The following NPC1 variants were observed in gnomAD, a reference collection of about 807,000 sequenced individuals.
The protein encoded by NPC1 is Niemann-Pick C1 protein.
Under a neutral mutation model 140.4 loss-of-function variants are expected in NPC1, and 85 were observed. The ratio of observed to expected loss-of-function variants is 0.61; its 90% CI spans 0.51 to 0.72. NPC1 has a LOEUF of 0.72. Among genes scored for constraint, NPC1 ranks in the 30% least tolerant of loss-of-function variants. The pLI is 0.00. For synonymous variants in NPC1, 656 were observed against 624.8 expected (o/e 1.05, Z -0.74); for missense variants, 1,504 against 1,623.8 (o/e 0.93, Z 1.27).
intron 4 of NPC1, among the ~76,000 whole-genome samples, chr18:23,563,693 A>G (rs1341138959): frequency 6.6e-6 from 1 of 152,172 alleles, no homozygotes; most frequent in Non-Finnish European, 1.5e-5. Flanking sequence ...GATTATAGGC[A>G]TGAGCCACTG....
Position 23,544,975 on chromosome 18 carries a change from G to A in NPC1, c.1932C>T (p.Ser644=). Reference sequence around the variant, plus strand: ...CCCGGCTTACCAGAAGCCTGCGACAGCTTTTCATGTGCCCCAAGGCTAGGG... The same window carrying A: ...CCCGGCTTACCAGAAGCCTGCGACAACTTTTCATGTGCCCCAAGGCTAGGG... ...YISLALGHMK[S]CRRLLVDSKV... is the part of the protein sequence containing the mutation. Residue 644 remains serine, a synonymous_variant, in exon 12 of 25, where the codon AGC becomes AGT. Coordinates refer to ENST00000269228, the MANE Select transcript of NPC1 (RefSeq NM_000271.5). 1 of 1,562,970 alleles carries A rather than the reference G, an allele frequency of 6.4e-7. No homozygotes were observed. Among genetic ancestry groups the A allele is most frequent in the Non-Finnish European group, 8.7e-7 (1 of 1,145,964 alleles).
At chr18:23,555,764 C>G (rs1567964798) in intron 8 of NPC1, among the ~76,000 whole-genome samples, 1 of 152,150 alleles carries the variant, frequency 6.6e-6, no homozygotes. Flanking sequence ...CATGTTCAGG[C>G]AGTGAGTGAT....
intron 4 of NPC1, among the ~76,000 whole-genome samples, chr18:23,563,390 G>A (rs181521954): frequency 8.4e-4 from 128 of 152,290 alleles, no homozygotes; most frequent in Non-Finnish European, 1.4e-3. Flanking sequence ...GAACTGATGG[G>A]TCATATGGTA....
intron 1 of NPC1, among the ~76,000 whole-genome samples, chr18:23,523,312 GGTT>G (rs1283284139): frequency 2.6e-5 from 4 of 152,016 alleles, no homozygotes; most frequent in African/African-American, 9.7e-5. Context: ...CAGTATAACT[GGTT>G]GTTAACGGTC....
At position 23,586,287 on chromosome 18, in the gene NPC1, C is replaced by T; in HGVS notation, c.57G>A (p.Gln19=). 3 of 1,533,040 alleles carry T rather than the reference C, an allele frequency of 2.0e-6. No individual in the cohort carries two copies. The highest frequency in any genetic ancestry group is 2.6e-6 in the Non-Finnish European group (3 of 1,145,782). The allele number at this position is 1,533,040 out of a possible 1,614,324, so 95.0% of individuals were successfully genotyped here. Residue 19 remains glutamine, a splice_region_variant and synonymous_variant, in exon 1 of 25, where the codon CAG becomes CAA. Transcript: ENST00000269228. ...GLLLLLLCPA[Q]VFSQSCVWYG... is the part of the protein sequence containing the mutation. ...GTCCCGGTGGCCGGCGACCGCTCAC[C>T]TGCGCTGGACACAGTAGCAGCAGGA...
At chr18:23,533,094 A>G in intron 24 of NPC1, 1 of 636,604 alleles carries the variant, frequency 1.6e-6, no homozygotes, top group East Asian at 4.3e-5. Context: ...CCATTCAAGG[A>G]CTGGCTCCAG....
intron 1 of NPC1, chr18:23,523,005 A>G (rs2058184684): frequency 6.6e-6 from 1 of 152,262 alleles, no homozygotes; most frequent in Admixed American, 6.5e-5. Context: ...ATCTGACTAC[A>G]TATTAGGATC....
At chr18:23,520,337 TCTGTGCTGCC>T, downstream of NPC1, 1 of 1,564,894 alleles carries the variant, frequency 6.4e-7, no homozygotes, top group Non-Finnish European at 8.8e-7. Context: ...TGTAGAGGAG[TCTGTGCTGCC>T]CTTTCACCAT....
chr18:23,574,013 GAACAA>G (rs1348485624), intron 1 of NPC1, among the ~76,000 whole-genome samples: 1 of 152,078 alleles, frequency 6.6e-6, no homozygotes, highest in Non-Finnish European at 1.5e-5. Context: ...GTAACATGAA[GAACAA>G]AACAACAAAA....
downstream of NPC1, among the ~76,000 whole-genome samples, chr18:23,525,113 A>AT (rs573751119): frequency 3.5e-4 from 53 of 150,262 alleles, no homozygotes; most frequent in South Asian, 8.7e-3. Flanking sequence ...CGCCCAGCTA[A>AT]TTTTGTATTT....
At chr18:23,544,615 G>A (rs926816913) in intron 12 of NPC1, 89 bp from the exon 13 acceptor site, 5 of 1,178,232 alleles carry the variant, frequency 4.2e-6, no homozygotes, top group Middle Eastern at 2.5e-4. Flanking sequence ...TACTTTACAG[G>A]GCTGTATTAA....
At chr18:23,544,253 A>T in intron 13 of NPC1, 91 bp downstream of exon 13, 3 of 1,236,166 alleles carry the variant, frequency 2.4e-6, no homozygotes, top group Non-Finnish European at 3.5e-6. Context: ...ACACCCTCAC[A>T]GGTCACACTC....
Position 23,532,279 on chromosome 18 carries a change from A to T in NPC1, c.3760T>A (p.Ser1254Thr), listed in dbSNP as rs986146604. The change falls in exon 25 of 25, where the codon TCA becomes ACA. Residue 1254 changes from serine to threonine, a missense_variant. Ser to Thr is a moderately conservative substitution (Grantham distance 58). Coordinates refer to ENST00000269228, the MANE Select transcript of NPC1 (RefSeq NM_000271.5). The part of the protein sequence containing the change: ...LPVLLSYIGP[S>T]VNKAKSCATE... Reference sequence around the variant, plus strand: ...GCACAACTTTTGGCTTTATTTACTGATGGCCCTATGAGAGAGAGAGACTTT... The same window carrying T: ...GCACAACTTTTGGCTTTATTTACTGTTGGCCCTATGAGAGAGAGAGACTTT... 6 of 1,613,970 alleles carry T rather than the reference A, an allele frequency of 3.7e-6. No individual in the cohort carries two copies. The highest frequency in any genetic ancestry group is 3.4e-6 in the Non-Finnish European group (4 of 1,180,024).
intron 14 of NPC1, among the ~76,000 whole-genome samples, chr18:23,542,270 T>C (rs1041693314): frequency 2.6e-5 from 4 of 151,876 alleles, no homozygotes; most frequent in Non-Finnish European, 5.9e-5. Flanking sequence ...TTTTTTTTTT[T>C]TTCTGCACCT....
In NPC1 at chr18:23,541,411, G is replaced by A. The variant is rs536329623; in HGVS notation, c.2268C>T (p.Ala756=). 34 of 1,614,232 alleles carry A rather than the reference G, an allele frequency of 2.1e-5. No homozygotes were observed. Among genetic ancestry groups the A allele is most frequent in the South Asian group, 4.4e-5 (4 of 91,082 alleles). The change falls in exon 15 of 25, where the codon GCC becomes GCT. Residue 756 remains alanine (A), a synonymous_variant. Coordinates refer to ENST00000269228, the MANE Select transcript of NPC1 (RefSeq NM_000271.5). Reference sequence around the variant, plus strand: ...CCGCAAAGAGAGAGAAGGTGTGCACGGCTGGCATCACGGACAATGCTCCTG... The same window carrying A: ...CCGCAAAGAGAGAGAAGGTGTGCACAGCTGGCATCACGGACAATGCTCCTG... ...FFLGALSVMP[A]VHTFSLFAGL...
At position 23,568,997 on chromosome 18, in the gene NPC1, A is replaced by C. The variant is rs1330533921; in HGVS notation, c.289T>G (p.Cys97Gly). 1 of 1,611,512 alleles carries C rather than the reference A, an allele frequency of 6.2e-7. No homozygotes were observed. ...LQLPLQFLSRCPSCFYNLLNL... is the reference protein window; with the variant it reads ...LQLPLQFLSRGPSCFYNLLNL... ...AGTAGGTTATAAAAACAGGATGGACATCTAAAGGAAAAGTAAATTATATTC... is the reference window on the plus strand; with the variant it reads ...AGTAGGTTATAAAAACAGGATGGACCTCTAAAGGAAAAGTAAATTATATTC... Residue 97 changes from cysteine (C) to glycine (G), a missense_variant and splice_region_variant, in exon 4 of 25, where the codon TGT becomes GGT. Transcript: ENST00000269228.
At chr18:23,524,584 A>G (rs2058238492), downstream of NPC1, 1 of 1,188,908 alleles carries the variant, frequency 8.4e-7, no homozygotes, top group Non-Finnish European at 1.2e-6. Context: ...CTTAGAAATG[A>G]CCCCTCCTTT....
Position 23,538,620 on chromosome 18 carries a change from T to TG in NPC1, c.2962dup (p.Gln988ProfsTer19). On this transcript the variant is annotated frameshift_variant, in exon 20 of 25. Transcript: ENST00000269228. LOFTEE classifies it high-confidence loss of function. ...CATGAAGTCTCCCCCCTGAGGCCTC[T>TG]GTTTGCCTTCCGGAGTCAGAGGCCT... 1 of 1,613,842 alleles carries TG rather than the reference T, an allele frequency of 6.2e-7. No homozygotes were observed. The highest frequency in any genetic ancestry group is 8.5e-7 in the Non-Finnish European group (1 of 1,179,730).
chr18:23,524,134 T>C, intron 1 of NPC1: 2 of 1,614,188 alleles, frequency 1.2e-6, no homozygotes, highest in Middle Eastern at 1.6e-4. Context: ...TTGTAGGTCC[T>C]GCTGCCGTGA....
Sources: gnomAD v4.1 joint callset for allele counts (sites outside exome capture counted in the v4.1 genomes callset) on GRCh38, gnomAD v4.1.1 for gene constraint, MANE v1.5 for transcripts, NCBI Gene and HGNC (gene_info 2026-07-23, HGNC 2026-07-21) for gene names.